The following FREM2 variants were observed in gnomAD, a reference collection of about 807,000 sequenced individuals.
FREM2 encodes FRAS1 related extracellular matrix 2, also known as FRAS1-related extracellular matrix protein 2.
A neutral mutation model predicts 219.9 loss-of-function variants in FREM2; 119 were observed. The ratio of observed to expected loss-of-function variants is 0.54; its 90% CI spans 0.47 to 0.63. The LOEUF (loss-of-function observed/expected upper bound fraction) is 0.63, where lower values mean the gene tolerates loss of function less well. Among genes scored for constraint, FREM2 ranks in the 30% least tolerant of loss-of-function variants. The pLI is 0.00. For missense variants in FREM2, 4,030 were observed against 3,993.6 expected, an observed-to-expected ratio of 1.01 and a Z score of -0.25; for synonymous variants, 1,562 against 1,522.8, an observed-to-expected ratio of 1.03 and a Z score of -0.60.
At chr13:38,852,172 C>T (rs1162533975) in intron 11 of FREM2, among the ~76,000 whole-genome samples, 1 of 152,128 alleles carries the variant, frequency 6.6e-6, no homozygotes, top group Non-Finnish European at 1.5e-5. Flanking sequence ...TTTATCATTC[C>T]ACACTCTATG....
chr13:38,770,864 GA>G (rs886184189), intron 4 of FREM2, among the ~76,000 whole-genome samples: 35 of 149,552 alleles, frequency 2.3e-4, no homozygotes, highest in African/African-American at 3.2e-4. Context: ...GTTTTAAAAA[GA>G]AAAAAAAAGA....
At chr13:38,850,293 A>G (rs1566166143) in intron 9 of FREM2, 58 bp downstream of exon 9, 2 of 1,360,210 alleles carry the variant, frequency 1.5e-6, no homozygotes, top group East Asian at 2.3e-5. Flanking sequence ...TTTTACTCAG[A>G]AATATATATC....
chr13:38,837,785 G>GTTTTTTT (rs1333688816), intron 6 of FREM2, among the ~76,000 whole-genome samples: 4 of 137,988 alleles, frequency 2.9e-5, no homozygotes, highest in Admixed American at 8.0e-5. Context: ...GTTTTGTTTT[G>GTTTTTTT]TTTTGTTTTT....
rs150455673 is a variant in FREM2, at chr13:38,723,722, C to T, written c.5263+25935C>T. Among the ~76,000 whole-genome samples, 196 of 152,282 alleles carry T rather than the reference C, an allele frequency of 1.3e-3. 2 individuals are homozygous for T. The highest frequency in any genetic ancestry group is 2.0e-3 in the Admixed American group (30 of 15,290). Reference sequence around the variant, plus strand: ...GAAACAAATTTACTTCATGACTATACGTCAAGAAGGGTACTAGCTATGTAC... The same window carrying T: ...GAAACAAATTTACTTCATGACTATATGTCAAGAAGGGTACTAGCTATGTAC... On this transcript the variant is annotated intron_variant, in intron 2 of 23. Coordinates refer to ENST00000280481, the MANE Select transcript of FREM2 (RefSeq NM_207361.6).
chr13:38,765,143 C>A (rs576238387), intron 3 of FREM2, among the ~76,000 whole-genome samples: 5 of 152,286 alleles, frequency 3.3e-5, no homozygotes, highest in Admixed American at 1.3e-4. Flanking sequence ...ATCTCCTGAC[C>A]TCGTAATCTG....
chr13:38,801,822 G>A lies in FREM2; in HGVS notation c.6019+17014G>A, dbSNP rs115117619. Among the ~76,000 whole-genome samples, 557 of 152,252 alleles carry A rather than the reference G, an allele frequency of 3.7e-3. 3 individuals carry two copies. Among genetic ancestry groups the A allele is most frequent in the African/African-American group, 0.013 (540 of 41,544 alleles). On this transcript the variant is annotated intron_variant, in intron 6 of 23. Transcript: ENST00000280481. ...GGCCCAGTTCGTTGGCTTTCATGTG[G>A]CTTGCTCAGATGCTATCAGTGGCAG...
At chr13:38,771,886 T>G (rs2137817335) in intron 4 of FREM2, among the ~76,000 whole-genome samples, 1 of 152,360 alleles carries the variant, frequency 6.6e-6, no homozygotes, top group South Asian at 2.1e-4. Context: ...ATTATCATGT[T>G]ACAGCATTCC....
At chr13:38,880,145 T>A in intron 23 of FREM2, 139 bp from the exon 24 acceptor site, 1 of 925,258 alleles carries the variant, frequency 1.1e-6, no homozygotes, top group Non-Finnish European at 1.7e-6. Flanking sequence ...TAGTACTCAT[T>A]CAAAAATATT....
In FREM2 at chr13:38,759,010, T is replaced by C. The variant is rs74048133; in HGVS notation, c.5264-5294T>C. 3.1e-3 allele frequency among the ~76,000 whole-genome samples: 470 copies of C among 152,260 alleles called. 4 individuals are homozygous for C. Among genetic ancestry groups the C allele is most frequent in the African/African-American group, 0.011 (456 of 41,562 alleles). ...ATAGCATCACTGCCCTCCAGCCTGGTCAGCAGAGTGACACCATGTCTCTAA... is the reference window on the plus strand; with the variant it reads ...ATAGCATCACTGCCCTCCAGCCTGGCCAGCAGAGTGACACCATGTCTCTAA... On this transcript the variant is annotated intron_variant, in intron 2 of 23. Transcript: ENST00000280481.
Position 38,849,429 on chromosome 13 carries a change from C to T in FREM2, c.6380-609C>T, listed in dbSNP as rs557845903. 9.5e-4 allele frequency among the ~76,000 whole-genome samples: 145 copies of T among 152,252 alleles called. 1 individual carries two copies. Among genetic ancestry groups the T allele is most frequent in the African/African-American group, 1.4e-3 (60 of 41,544 alleles). On this transcript the variant is annotated intron_variant, in intron 8 of 23. Coordinates refer to ENST00000280481, the MANE Select transcript of FREM2 (RefSeq NM_207361.6). The stretch of plus-strand genomic sequence containing the variant: ...TTCTGTCGTCTCCTTCCCCTAGACA[C>T]TCATCAAATTTCTTTAATAATGTGC...
Position 38,689,910 on chromosome 13 carries a change from G to A in FREM2, c.2566G>A (p.Asp856Asn). Reference protein sequence around the residue: ...ILSETELHVNDVDTDVAHISF... With the variant: ...ILSETELHVNNVDTDVAHISF... ...GAGTGAGACAGAGTTGCACGTGAATGATGTAGACACTGATGTTGCCCATAT... is the reference window on the plus strand; with the variant it reads ...GAGTGAGACAGAGTTGCACGTGAATAATGTAGACACTGATGTTGCCCATAT... Residue 856 changes from aspartate (D) to asparagine (N), a missense_variant, in exon 1 of 24, where the codon GAT (aspartate) becomes AAT (asparagine). By Grantham distance (23) the Asp-to-Asn change is conservative. Around this residue, in one of 2 missense-constraint regions of FREM2, gnomAD observed 3,102 missense variants for 2,950.7 expected, o/e 1.05. Transcript: ENST00000280481. 1 of 1,614,174 alleles carries A rather than the reference G, an allele frequency of 6.2e-7. No homozygotes were observed. Among genetic ancestry groups the A allele is most frequent in the Admixed American group, 1.7e-5 (1 of 60,022 alleles).
chr13:38,886,545 C>G lies in FREM2; in HGVS notation c.*5758C>G, dbSNP rs1418236907. 1 of 152,036 alleles carries G rather than the reference C, an allele frequency of 6.6e-6. No homozygotes were observed. The highest frequency in any genetic ancestry group is 1.5e-5 in the Non-Finnish European group (1 of 68,020). The allele number at this position is 152,036 out of a possible 1,614,324, so 9.4% of individuals were successfully genotyped here. On this transcript the variant is annotated 3_prime_UTR_variant, in exon 24 of 24. Transcript: ENST00000280481. ...CCTGAGTAGCTGGAATTACAGGTGC[C>G]CACTACCATGCCTGGCTAGTTTTTG...
chr13:38,693,271 G>A (rs576372726), intron 1 of FREM2, among the ~76,000 whole-genome samples: 36 of 152,270 alleles, frequency 2.4e-4, no homozygotes, highest in Middle Eastern at 6.8e-3. Context: ...ATTATTAAGA[G>A]CATGAAGATA....
intron 6 of FREM2, among the ~76,000 whole-genome samples, chr13:38,829,341 T>C (rs1469487012): frequency 6.6e-6 from 1 of 152,152 alleles, no homozygotes; most frequent in South Asian, 2.1e-4. Context: ...TATGATGATA[T>C]GGGCCTTCTC....
chr13:38,760,880 C>T (rs1157065236), intron 2 of FREM2, among the ~76,000 whole-genome samples: 3 of 151,538 alleles, frequency 2.0e-5, no homozygotes, highest in South Asian at 2.1e-4. Context: ...TGGAAAGTAC[C>T]GTAGAGAAAA....
chr13:38,774,092 GAAGT>G (rs1429839916), intron 4 of FREM2, among the ~76,000 whole-genome samples: 1 of 151,900 alleles, frequency 6.6e-6, no homozygotes, highest in Non-Finnish European at 1.5e-5. Flanking sequence ...GGTTAGAAAA[GAAGT>G]AATATCCCAA....
rs1869938046 is a variant in FREM2 at position 38,692,515 on chromosome 13, A to G, written c.5171A>G (p.Gln1724Arg). Reference sequence around the variant, plus strand: ...AACCACAGCATCACTCAGTTCACACAAGGTATGTTTCATGTTTCTTTTCTT... The same window carrying G: ...AACCACAGCATCACTCAGTTCACACGAGGTATGTTTCATGTTTCTTTTCTT... ...KGNHSITQFT[Q>R]ADIDDMKICY... Residue 1724 changes from glutamine to arginine, a missense_variant and splice_region_variant, in exon 1 of 24, where the codon CAA (glutamine) becomes CGA (arginine). Coordinates refer to ENST00000280481, the MANE Select transcript of FREM2 (RefSeq NM_207361.6). 2 of 1,609,234 alleles carry G rather than the reference A, an allele frequency of 1.2e-6. No individual in the cohort carries two copies. Among genetic ancestry groups the G allele is most frequent in the Admixed American group, 1.7e-5 (1 of 60,008 alleles).
In FREM2 at chr13:38,814,510, C is replaced by T. The variant is rs551404270; in HGVS notation, c.6019+29702C>T. Among the ~76,000 whole-genome samples the T allele has an allele frequency of 6.6e-5, 10 of 152,224 alleles. No homozygotes were observed. In the South Asian group the frequency reaches 1.2e-3, roughly 19 times the overall value. Reference sequence around the variant, plus strand: ...CCCTTTCTTTCTGCCAAACATATAGCGTCTCTGTCTCTGTGCTGAGCCACC... The same window carrying T: ...CCCTTTCTTTCTGCCAAACATATAGTGTCTCTGTCTCTGTGCTGAGCCACC... On this transcript the variant is annotated intron_variant, in intron 6 of 23. Transcript: ENST00000280481.
In FREM2 at chr13:38,688,255, A is replaced by C; in HGVS notation, c.911A>C (p.Gln304Pro). Residue 304 changes from glutamine to proline, a missense_variant, in exon 1 of 24, where the codon CAG (glutamine) becomes CCG (proline). Transcript: ENST00000280481. ...CCTGCTTTGAAACGCGAGCACTTCC[A>C]GGTTCTGGTGAGGATCCGAGGAGGG... Reference protein sequence around the residue: ...GSPALKREHFQVLVRIRGGAE... With the variant: ...GSPALKREHFPVLVRIRGGAE... 1 of 1,613,988 alleles carries C rather than the reference A, an allele frequency of 6.2e-7. No homozygotes were observed. The highest frequency in any genetic ancestry group is 1.1e-5 in the South Asian group (1 of 91,084).
Sources: gnomAD v4.1 joint callset for allele counts (sites outside exome capture counted in the v4.1 genomes callset) on GRCh38, gnomAD v4.1.1 for gene constraint, gnomAD v4.1.1 regional missense constraint, MANE v1.5 for transcripts, NCBI Gene and HGNC (gene_info 2026-07-23, HGNC 2026-07-21) for gene names.